ERBIN: variants seen among roughly 807,000 people sequenced by gnomAD.
ERBIN encodes the protein erbb2 interacting protein.
ERBIN carries 60 observed loss-of-function variants against 158.4 expected under a neutral mutation model. That is an observed-to-expected ratio of 0.38 (90% CI 0.31 to 0.47). ERBIN has a LOEUF of 0.47. ERBIN is among the 20% of genes least tolerant of loss of function. The pLI, the probability that ERBIN is intolerant of heterozygous loss-of-function variation, is 0.99. For synonymous variants in ERBIN, 594 were observed against 557.2 expected, an observed-to-expected ratio of 1.07 and a Z score of -0.93; for missense variants, 1,610 against 1,648.0, an observed-to-expected ratio of 0.98 and a Z score of 0.40.
At chr5:66,025,589 T>C (rs370653167) in intron 11 of ERBIN, 37 bp downstream of exon 11, 61 of 1,445,778 alleles carry the variant, frequency 4.2e-5, no homozygotes, top group Non-Finnish European at 5.7e-5. Flanking sequence ...CTCGAAGATT[T>C]TACTTTCAGT....
chr5:66,008,192 G>A (rs564328123), intron 4 of ERBIN, among the ~76,000 whole-genome samples: 7 of 152,256 alleles, frequency 4.6e-5, no homozygotes, highest in East Asian at 1.9e-4. Context: ...TGAGGTGGGC[G>A]GATCACGAGG....
intron 1 of ERBIN, among the ~76,000 whole-genome samples, chr5:65,978,252 C>T (rs1750256055): frequency 6.6e-6 from 1 of 152,260 alleles, no homozygotes; most frequent in South Asian, 2.1e-4. Context: ...CTGTTTCTTT[C>T]CTCATTCTCT....
chr5:65,930,169 AC>A (rs1187083291), intron 1 of ERBIN, among the ~76,000 whole-genome samples: 1 of 152,174 alleles, frequency 6.6e-6, no homozygotes, highest in Non-Finnish European at 1.5e-5. Flanking sequence ...TATGTTTATC[AC>A]CTCAAAAAAC....
At chr5:66,076,783 A>G in intron 24 of ERBIN, 92 bp from the exon 25 acceptor site, 1 of 868,140 alleles carries the variant, frequency 1.2e-6, no homozygotes, top group Non-Finnish European at 1.9e-6. Flanking sequence ...CATGATTCAA[A>G]TATTTGCATG....
At chr5:65,963,417 G>T (rs949170467) in intron 1 of ERBIN, among the ~76,000 whole-genome samples, 2 of 152,056 alleles carry the variant, frequency 1.3e-5, no homozygotes, top group Non-Finnish European at 2.9e-5. Context: ...CCAACACCGT[G>T]AAACCCCGTC....
chr5:65,934,421 T>A (rs1743831538), intron 1 of ERBIN, among the ~76,000 whole-genome samples: 1 of 152,218 alleles, frequency 6.6e-6, no homozygotes, highest in South Asian at 2.1e-4. Flanking sequence ...AATAATTTCT[T>A]TCTCTTTTTT....
chr5:65,976,936 G>A (rs369904855), intron 1 of ERBIN, among the ~76,000 whole-genome samples: 1 of 151,912 alleles, frequency 6.6e-6, no homozygotes, highest in Admixed American at 6.6e-5. Context: ...AGACACGGCA[G>A]CCATCCGATT....
intron 24 of ERBIN, 82 bp downstream of exon 24, chr5:66,076,490 T>C (rs1580559449): frequency 9.4e-7 from 1 of 1,062,366 alleles, no homozygotes; most frequent in Non-Finnish European, 1.4e-6. Context: ...GAAAATCTAA[T>C]AGATGTTTAT....
chr5:65,972,468 GTGAA>G (rs1240088672), intron 1 of ERBIN, among the ~76,000 whole-genome samples: 1 of 151,418 alleles, frequency 6.6e-6, no homozygotes, highest in Non-Finnish European at 1.5e-5. Flanking sequence ...TGCCATGTAT[GTGAA>G]TGAACTTGGC....
intron 1 of ERBIN, among the ~76,000 whole-genome samples, chr5:65,963,816 G>A (rs1580175683): frequency 7.2e-6 from 1 of 139,094 alleles, no homozygotes; most frequent in African/African-American, 2.7e-5. Flanking sequence ...TTGAGATGGA[G>A]TCTCGCTCTG....
rs144622658 is a variant in ERBIN at position 66,011,172 on chromosome 5, A to G, written c.308-877A>G. ...TTTTAGCATGACATTGGGTTACGTG[A>G]AGGGAAAAGGTTGAGAAAAGGGGAA... On this transcript the variant is annotated intron_variant, in intron 4 of 25. Coordinates refer to ENST00000284037, the MANE Select transcript of ERBIN (RefSeq NM_001253697.2). 1.8e-3 allele frequency among the ~76,000 whole-genome samples: 279 copies of G among 152,300 alleles called. 1 individual carries two copies. The highest frequency in any genetic ancestry group is 6.4e-3 in the African/African-American group (265 of 41,556).
At chr5:65,949,044 T>G (rs1746170059) in intron 1 of ERBIN, among the ~76,000 whole-genome samples, 1 of 152,074 alleles carries the variant, frequency 6.6e-6, no homozygotes, top group Non-Finnish European at 1.5e-5. Flanking sequence ...GATTACAGGT[T>G]TGAGCCACCG....
chr5:65,947,269 A>T (rs1490557531), intron 1 of ERBIN, among the ~76,000 whole-genome samples: 2 of 152,022 alleles, frequency 1.3e-5, no homozygotes, highest in Non-Finnish European at 2.9e-5. Context: ...AGCCTCTGTC[A>T]TCCAGGCTGG....
In ERBIN at chr5:66,043,198, G is replaced by A. The variant is rs189776329; in HGVS notation, c.1428G>A (p.Arg476=). Residue 476 remains arginine, a splice_region_variant and synonymous_variant, in exon 16 of 26, where the codon AGG becomes AGA. Coordinates refer to ENST00000284037, the MANE Select transcript of ERBIN (RefSeq NM_001253697.2). The part of the protein sequence containing the change: ...EDKDEREAPP[R]EGNLKRYPTP... ...AAGATGAAAGGGAGGCACCTCCCAG[G>A]GTGAGTCTGTTCTTTATTCTTTAAA... 100 of 1,612,242 alleles carry A rather than the reference G, an allele frequency of 6.2e-5. No individual in the cohort carries two copies. The East Asian group carries it at 2.1e-3, about 33-fold the overall frequency.
intron 6 of ERBIN, among the ~76,000 whole-genome samples, chr5:66,013,998 ATC>A (rs1285926140): frequency 6.6e-6 from 1 of 152,130 alleles, no homozygotes; most frequent in Non-Finnish European, 1.5e-5. Context: ...AGAAAAGAGA[ATC>A]TGTTTCTGGG....
intron 9 of ERBIN, 26 bp from the exon 10 acceptor site, chr5:66,024,280 A>C (rs771160470): frequency 1.4e-6 from 2 of 1,413,884 alleles, no homozygotes; most frequent in South Asian, 2.6e-5. Flanking sequence ...TAATAGAGTC[A>C]TTAGATTTTC....
rs181666174 is a variant in ERBIN at position 65,941,763 on chromosome 5, C to T, written c.-58+14957C>T. On this transcript the variant is annotated intron_variant, in intron 1 of 25. Transcript: ENST00000284037. ...TTCTTGTAGTATTTTTTTTTTGAGA[C>T]GGAGTGTCGTTTTGTCGCCCAGGCT... is the stretch of plus-strand genomic sequence containing the variant. Among the ~76,000 whole-genome samples the T allele has an allele frequency of 2.0e-5, 3 of 151,514 alleles. 1 individual carries two copies. The highest frequency in any genetic ancestry group is 4.2e-4 in the South Asian group (2 of 4,802).
At chr5:65,944,708 G>T (rs139847480) in intron 1 of ERBIN, among the ~76,000 whole-genome samples, 1 of 152,116 alleles carries the variant, frequency 6.6e-6, no homozygotes, top group African/African-American at 2.4e-5. Flanking sequence ...GCCTTATTAT[G>T]GTTTTGATTA....
chr5:65,976,628 A>C (rs1248439538), intron 1 of ERBIN, among the ~76,000 whole-genome samples: 1 of 151,192 alleles, frequency 6.6e-6, no homozygotes, highest in African/African-American at 2.4e-5. Context: ...CAAGTGAACA[A>C]AGGTCTCTGG....
Sources: gnomAD v4.1 joint callset for allele counts (sites outside exome capture counted in the v4.1 genomes callset) on GRCh38, gnomAD v4.1.1 for gene constraint, MANE v1.5 for transcripts, NCBI Gene and HGNC (gene_info 2026-07-23, HGNC 2026-07-21) for gene names.